The following SPCS3 variants were observed in gnomAD, a reference collection of about 807,000 sequenced individuals.
SPCS3 encodes the protein SPase 22 kDa subunit.
A neutral mutation model predicts 17.2 loss-of-function variants in SPCS3; 9 were observed. The observed-to-expected ratio is 0.52, with a 90% CI of 0.31 to 0.91. The LOEUF is 0.91. Ranked by LOEUF, SPCS3 falls within the 40% of genes least tolerant of loss-of-function variation. The pLI, the probability that SPCS3 is intolerant of heterozygous loss-of-function variation, is 0.04. For missense variants in SPCS3, 139 were observed against 217.5 expected (o/e 0.64, Z 2.27); for synonymous variants, 87 against 89.6 (o/e 0.97, Z 0.16).
At chr4:176,321,323 A>T (rs976291260) in intron 1 of SPCS3, 5 of 152,202 alleles carry the variant, frequency 3.3e-5, no homozygotes, top group Admixed American at 1.3e-4. Flanking sequence ...TGTCTTGAGC[A>T]AGTTTTCTTA....
chr4:176,328,306 A>C lies in SPCS3; in HGVS notation c.519A>C (p.Thr173=). ...SGHVSVPFPD[T]YEITKSY is the part of the protein sequence containing the mutation. ...ACGTATCTGTCCCATTTCCAGATAC[A>C]TATGAAATAACGAAGAGTTATTAAA... The change falls in exon 5 of 5, where the codon ACA becomes ACC. Residue 173 remains threonine (T), a synonymous_variant. Coordinates refer to ENST00000503362, the MANE Select transcript of SPCS3 (RefSeq NM_021928.4). The C allele has an allele frequency of 1.2e-6, 2 of 1,602,294 alleles. No individual in the cohort carries two copies. The highest frequency in any genetic ancestry group is 1.7e-6 in the Non-Finnish European group (2 of 1,175,012).
In SPCS3 at chr4:176,329,872, A is replaced by G. The variant is rs1731660980; in HGVS notation, c.*1542A>G. The stretch of plus-strand genomic sequence containing the variant: ...TTGTTATATTTACCTTATGTGAAAT[A>G]CATCACTATTTAATTACATTAATTT... On this transcript the variant is annotated 3_prime_UTR_variant, in exon 5 of 5. Transcript: ENST00000503362. 1 of 152,204 alleles carries G rather than the reference A, an allele frequency of 6.6e-6. No homozygotes were observed. The highest frequency in any genetic ancestry group is 1.5e-5 in the Non-Finnish European group (1 of 68,008). The allele number at this position is 152,204 out of a possible 1,614,324, so 9.4% of individuals were successfully genotyped here.
chr4:176,327,373 G>A, intron 4 of SPCS3, 96 bp downstream of exon 4: 1 of 749,138 alleles, frequency 1.3e-6, no homozygotes, highest in East Asian at 3.1e-5. Flanking sequence ...GAGAGTAAAA[G>A]GAGAAAAATT....
At position 176,323,337 on chromosome 4, in the gene SPCS3, C is replaced by T. The variant is rs1357466333; in HGVS notation, c.218-844C>T. On this transcript the variant is annotated intron_variant, in intron 2 of 4. Coordinates refer to ENST00000503362, the MANE Select transcript of SPCS3 (RefSeq NM_021928.4). The stretch of plus-strand genomic sequence containing the variant: ...TCTATGGTATTTATATATTACCAAT[C>T]TCATTATTTGTAGTTTCTTCAGATT... 2.6e-5 allele frequency among the ~76,000 whole-genome samples: 4 copies of T among 152,032 alleles called. No homozygotes were observed. The South Asian group carries it at 8.3e-4, about 31-fold the overall frequency.
chr4:176,330,758 A>G lies in SPCS3; in HGVS notation c.*2428A>G, dbSNP rs926545146. On this transcript the variant is annotated 3_prime_UTR_variant, in exon 5 of 5. Transcript: ENST00000503362. Reference sequence around the variant, plus strand: ...GACACAAAGCTTCAGGCTTATACAAAACTGAGTATGATTAGAAATACCTGA... The same window carrying G: ...GACACAAAGCTTCAGGCTTATACAAGACTGAGTATGATTAGAAATACCTGA... The G allele has an allele frequency of 5.3e-5, 8 of 152,206 alleles. No homozygotes were observed. The highest frequency in any genetic ancestry group is 1.9e-4 in the African/African-American group (8 of 41,462). 9.4% of individuals were successfully genotyped at this position (152,206 alleles called of 1,614,324 possible). A position where few individuals can be genotyped will look rare whatever the true frequency, so the allele number is the denominator to read the frequency against.
chr4:176,325,963 T>C (rs984915611), intron 3 of SPCS3, among the ~76,000 whole-genome samples: 13 of 152,184 alleles, frequency 8.5e-5, no homozygotes, highest in African/African-American at 3.1e-4. Flanking sequence ...GTTTAATAGC[T>C]TTTAATTATA....
In SPCS3 at chr4:176,331,571, T is replaced by C. The variant is rs1323315879; in HGVS notation, c.*3241T>C. ...AAAATACTGAACATATGTTTGAGGA[T>C]TTTTCTTTTCCTTTTTAAATTTTTT... On this transcript the variant is annotated 3_prime_UTR_variant, in exon 5 of 5. Coordinates refer to ENST00000503362, the MANE Select transcript of SPCS3 (RefSeq NM_021928.4). 6.6e-6 allele frequency: 1 copy of C among 152,046 alleles called. No individual in the cohort carries two copies. The highest frequency in any genetic ancestry group is 6.5e-5 in the Admixed American group (1 of 15,268). 9.4% of individuals were successfully genotyped at this position (152,046 alleles called of 1,614,324 possible). A position where few individuals can be genotyped will look rare whatever the true frequency, so the allele number is the denominator to read the frequency against.
intron 1 of SPCS3, chr4:176,321,925 T>TA (rs1731544326): frequency 2.2e-5 from 7 of 322,550 alleles, no homozygotes; most frequent in Non-Finnish European, 4.0e-5. Context: ...TAGCAGTTTT[T>TA]ATCCCCTTCT....
In SPCS3 at chr4:176,331,942, A is replaced by G. The variant is rs1731693307; in HGVS notation, c.*3612A>G. On this transcript the variant is annotated 3_prime_UTR_variant, in exon 5 of 5. Coordinates refer to ENST00000503362, the MANE Select transcript of SPCS3 (RefSeq NM_021928.4). ...TCAGCATTTTTTCTAATGAAAATGA[A>G]TTTTGTTTACCAGTAAAAGTATGCA... 1 of 152,212 alleles carries G rather than the reference A, an allele frequency of 6.6e-6. No homozygotes were observed. Among genetic ancestry groups the G allele is most frequent in the Admixed American group, 6.5e-5 (1 of 15,280 alleles). The allele number at this position is 152,212 out of a possible 1,614,324, so 9.4% of individuals were successfully genotyped here.
chr4:176,322,239 T>A lies in SPCS3; in HGVS notation c.213T>A (p.Thr71=). ...SDLGFITFDI[T]ADLENIFDWN... ...TGGGATTTATCACATTTGATATAAC[T>A]GCTGATATCCTTTAAGAAAATATTT... Residue 71 remains threonine (T), a synonymous_variant, in exon 2 of 5, where the codon ACT becomes ACA. Transcript: ENST00000503362. 5 of 1,589,998 alleles carry A rather than the reference T, an allele frequency of 3.1e-6. No homozygotes were observed. The highest frequency in any genetic ancestry group is 4.3e-6 in the Non-Finnish European group (5 of 1,159,048).
intron 3 of SPCS3, among the ~76,000 whole-genome samples, chr4:176,324,525 G>A (rs1579357915): frequency 6.6e-6 from 1 of 152,148 alleles, no homozygotes; most frequent in African/African-American, 2.4e-5. Flanking sequence ...ATGAACAGAC[G>A]TTAATGTTCA....
rs768742105 is a variant in SPCS3 at position 176,320,033 on chromosome 4, C to T, written c.-44C>T. The T allele has an allele frequency of 1.4e-6, 2 of 1,473,826 alleles. No homozygotes were observed. Among genetic ancestry groups the T allele is most frequent in the Non-Finnish European group, 1.8e-6 (2 of 1,098,308 alleles). The allele number at this position is 1,473,826 out of a possible 1,614,324, so 91.3% of individuals were successfully genotyped here. The stretch of plus-strand genomic sequence containing the variant: ...AGCCGGTCCGCCGCCGGAACGGGAG[C>T]CTGGGTGTGCGTGTGGAGTCCGGAC... On this transcript the variant is annotated 5_prime_UTR_variant, in exon 1 of 5. Coordinates refer to ENST00000503362, the MANE Select transcript of SPCS3 (RefSeq NM_021928.4).
At position 176,320,179 on chromosome 4, in the gene SPCS3, A is replaced by T. The variant is rs1333519612; in HGVS notation, c.103A>T (p.Arg35Trp). The T allele has an allele frequency of 6.3e-7, 1 of 1,580,204 alleles. No homozygotes were observed. Among genetic ancestry groups the T allele is most frequent in the Non-Finnish European group, 8.6e-7 (1 of 1,164,380 alleles). The part of the protein sequence containing the change: ...GCFITTAFKD[R>W]SVPVRLHVSR... ...CTTCATCACCACCGCCTTCAAAGAC[A>T]GGAGCGTCCCGGTGCGGCTGCACGT... The change falls in exon 1 of 5, where the codon AGG becomes TGG. Residue 35 changes from arginine (R) to tryptophan (W), a missense_variant. Arg to Trp is a moderately radical substitution (Grantham distance 101). Transcript: ENST00000503362.
At position 176,328,327 on chromosome 4, in the gene SPCS3, T is replaced by C. The variant is rs756468490; in HGVS notation, c.540T>C (p.Tyr180=). 1.9e-6 allele frequency: 3 copies of C among 1,584,598 alleles called. No individual in the cohort carries two copies. The highest frequency in any genetic ancestry group is 3.6e-5 in the Admixed American group (2 of 55,386). ...FPDTYEITKS[Y] ...ATACATATGAAATAACGAAGAGTTA[T>C]TAAATTATTCTGAATTTGAAACAAC... The change falls in exon 5 of 5, where the codon TAT becomes TAC. Residue 180 remains tyrosine, a synonymous_variant. Transcript: ENST00000503362.
chr4:176,320,862 T>TA (rs1438345339), intron 1 of SPCS3: 6 of 152,262 alleles, frequency 3.9e-5, no homozygotes, highest in Non-Finnish European at 5.9e-5. Context: ...AGCCTTCTGA[T>TA]ACAGCGAGAT....
intron 1 of SPCS3, 62 bp downstream of exon 1, chr4:176,320,281 C>CCTCCA: frequency 7.7e-7 from 1 of 1,294,214 alleles, no homozygotes; most frequent in Non-Finnish European, 9.8e-7. Flanking sequence ...AAGCCGAAGC[C>CCTCCA]GGGCCGCCGC....
intron 3 of SPCS3, 48 bp downstream of exon 3, chr4:176,324,305 C>A: frequency 1.2e-6 from 1 of 855,988 alleles, no homozygotes; most frequent in Non-Finnish European, 1.6e-6. Flanking sequence ...TAAAGTCTTA[C>A]TCTTTACGAA....
At position 176,319,976 on chromosome 4, in the gene SPCS3, C is replaced by T; in HGVS notation, c.-101C>T. ...GCTGCGGCGGCGCGCGCTCCCGGAA[C>T]GCGCGCACCGCAGACGGCGCGGATC... is the stretch of plus-strand genomic sequence containing the variant. On this transcript the variant is annotated 5_prime_UTR_variant, in exon 1 of 5. It adds an upstream start codon to the 5' untranslated region. Transcript: ENST00000503362. 7.5e-7 allele frequency: 1 copy of T among 1,333,728 alleles called. No individual in the cohort carries two copies. The allele number at this position is 1,333,728 out of a possible 1,614,324, so 82.6% of individuals were successfully genotyped here. A position where few individuals can be genotyped will look rare whatever the true frequency, so the allele number is the denominator to read the frequency against.
At position 176,324,268 on chromosome 4, in the gene SPCS3, C is replaced by G. The variant is rs1021393365; in HGVS notation, c.294+11C>G. 13 of 1,078,850 alleles carry G rather than the reference C, an allele frequency of 1.2e-5. No homozygotes were observed. The highest frequency in any genetic ancestry group is 1.5e-5 in the Non-Finnish European group (12 of 779,896). The allele number at this position is 1,078,850 out of a possible 1,614,324, so 66.8% of individuals were successfully genotyped here. On this transcript the variant is annotated intron_variant, in intron 3 of 4. Coordinates refer to ENST00000503362, the MANE Select transcript of SPCS3 (RefSeq NM_021928.4). ...TCAACAAAAAATAATGTAAGTATAT[C>G]TAATTAGAAGTATTTTAATAGCTAT...
Sources: gnomAD v4.1 joint callset for allele counts (sites outside exome capture counted in the v4.1 genomes callset) on GRCh38, gnomAD v4.1.1 for gene constraint, MANE v1.5 for transcripts, NCBI Gene and HGNC (gene_info 2026-07-23, HGNC 2026-07-21) for gene names.